The following WDR70 variants were observed in gnomAD, a reference collection of about 807,000 sequenced individuals.
WDR70 encodes the protein WD repeat domain 70, also known as WD repeat-containing protein 70.
A neutral mutation model predicts 88.6 loss-of-function variants in WDR70; 53 were observed. The observed-to-expected ratio is 0.60, with a 90% CI of 0.48 to 0.75. The LOEUF is 0.75. Among genes scored for constraint, WDR70 ranks in the 30% least tolerant of loss-of-function variants. The probability of loss-of-function intolerance (pLI) is 0.00; values close to 1 mark genes in which losing one functional copy is unlikely to be tolerated. For missense variants in WDR70, 610 were observed against 823.2 expected (o/e 0.74, Z 3.17); for synonymous variants, 280 against 270.0 (o/e 1.04, Z -0.36).
chr5:37,427,190 C>A (rs960105027), intron 5 of WDR70, among the ~76,000 whole-genome samples: 5 of 152,012 alleles, frequency 3.3e-5, no homozygotes, highest in African/African-American at 1.2e-4. Flanking sequence ...GAGATCGAGA[C>A]CATCTTGGCT....
chr5:37,635,946 T>G (rs1028710094), intron 10 of WDR70, among the ~76,000 whole-genome samples: 18 of 152,200 alleles, frequency 1.2e-4, no homozygotes, highest in African/African-American at 4.3e-4. Context: ...CACACGGCAC[T>G]TCTTGCTGCT....
chr5:37,613,406 C>T (rs1015900524), intron 10 of WDR70, among the ~76,000 whole-genome samples: 1 of 152,060 alleles, frequency 6.6e-6, no homozygotes, highest in Admixed American at 6.6e-5. Flanking sequence ...AAGCTGGAAG[C>T]CAGATGCATA....
intron 7 of WDR70, among the ~76,000 whole-genome samples, chr5:37,455,636 C>CTTTTTTTTTTTTTTTTTTTTT (rs59254502): frequency 5.7e-5 from 4 of 70,438 alleles, no homozygotes; most frequent in African/African-American, 9.3e-5. Context: ...TTCTCTTTAT[C>CTTTTTTTTTTTTTTTTTTTTT]TTTTTTTTTT....
At chr5:37,383,146 C>A (rs1748486354) in intron 3 of WDR70, among the ~76,000 whole-genome samples, 1 of 152,118 alleles carries the variant, frequency 6.6e-6, no homozygotes, top group East Asian at 1.9e-4. Flanking sequence ...TGTACAGCAG[C>A]AATATCCAGT....
At chr5:37,729,629 A>G (rs1375088700) in intron 17 of WDR70, among the ~76,000 whole-genome samples, 1 of 152,168 alleles carries the variant, frequency 6.6e-6, no homozygotes, top group Admixed American at 6.6e-5. Context: ...TAGTTTGTTT[A>G]CAGTTCTTCT....
intron 9 of WDR70, among the ~76,000 whole-genome samples, chr5:37,522,325 G>T (rs1198212628): frequency 6.6e-6 from 1 of 151,986 alleles, no homozygotes; most frequent in Non-Finnish European, 1.5e-5. Flanking sequence ...CAAAAAATTA[G>T]CTGGGCATGG....
chr5:37,581,292 T>C (rs778066677), intron 9 of WDR70, among the ~76,000 whole-genome samples: 2 of 152,232 alleles, frequency 1.3e-5, no homozygotes, highest in South Asian at 2.1e-4. Flanking sequence ...ATAAACACAG[T>C]TGGGCATTTA....
intron 7 of WDR70, among the ~76,000 whole-genome samples, chr5:37,469,808 A>C (rs1227818870): frequency 9.9e-5 from 15 of 152,196 alleles, no homozygotes; most frequent in Admixed American, 9.8e-4. Context: ...CAAATCTCTA[A>C]GTAAATAAAT....
chr5:37,646,683 C>T (rs963963538), intron 10 of WDR70, among the ~76,000 whole-genome samples: 1 of 152,108 alleles, frequency 6.6e-6, no homozygotes, highest in African/African-American at 2.4e-5. Context: ...AAATGTCATG[C>T]CACTCTCTCC....
At chr5:37,678,809 T>A (rs1467438974) in intron 10 of WDR70, among the ~76,000 whole-genome samples, 1 of 152,280 alleles carries the variant, frequency 6.6e-6, no homozygotes, top group Admixed American at 6.5e-5. Flanking sequence ...TTCTCCTGGA[T>A]AATATCCTGC....
At chr5:37,391,769 G>C (rs1748827357) in intron 3 of WDR70, among the ~76,000 whole-genome samples, 1 of 152,108 alleles carries the variant, frequency 6.6e-6, no homozygotes, top group Non-Finnish European at 1.5e-5. Context: ...CAGTTTCTTT[G>C]GATATATACC....
chr5:37,581,249 G>C (rs901459331), intron 9 of WDR70, among the ~76,000 whole-genome samples: 1 of 138,798 alleles, frequency 7.2e-6, no homozygotes, highest in South Asian at 2.1e-4. Context: ...CTCATATAGG[G>C]AACACTGGTG....
chr5:37,447,084 C>G, intron 7 of WDR70, among the ~76,000 whole-genome samples: 1 of 152,062 alleles, frequency 6.6e-6, no homozygotes, highest in Non-Finnish European at 1.5e-5. Flanking sequence ...GAACTCTTAA[C>G]AAATTTACAA....
At chr5:37,697,843 A>C in intron 11 of WDR70, 89 bp downstream of exon 11, 1 of 1,119,890 alleles carries the variant, frequency 8.9e-7, no homozygotes, top group Non-Finnish European at 1.3e-6. Context: ...GTGCTTAGTA[A>C]AGCTTGCTTT....
At chr5:37,656,812 G>A (rs2112569613) in intron 10 of WDR70, among the ~76,000 whole-genome samples, 1 of 152,320 alleles carries the variant, frequency 6.6e-6, no homozygotes, top group East Asian at 1.9e-4. Flanking sequence ...AAGCTGGAGT[G>A]TCCTAGGTCA....
At chr5:37,547,824 A>G (rs1046504153) in intron 9 of WDR70, among the ~76,000 whole-genome samples, 2 of 152,092 alleles carry the variant, frequency 1.3e-5, no homozygotes, top group African/African-American at 4.8e-5. Flanking sequence ...TCTAGTAACT[A>G]TCCTTCTACT....
intron 7 of WDR70, among the ~76,000 whole-genome samples, chr5:37,467,263 A>G (rs528999740): frequency 6.6e-6 from 1 of 151,748 alleles, no homozygotes; most frequent in East Asian, 1.9e-4. Flanking sequence ...AACAAGAGAT[A>G]TTTCTCACAG....
At chr5:37,746,236 A>C (rs965306999) in intron 17 of WDR70, among the ~76,000 whole-genome samples, 2 of 152,234 alleles carry the variant, frequency 1.3e-5, no homozygotes, top group African/African-American at 4.8e-5. Flanking sequence ...AATGAGAACA[A>C]AGAGACAATG....
In WDR70 at chr5:37,475,661, TTG is replaced by T. The variant is rs1739458465; in HGVS notation, c.687-4171_687-4170del. 4.6e-5 allele frequency among the ~76,000 whole-genome samples: 7 copies of T among 152,086 alleles called. No individual in the cohort carries two copies. The South Asian group carries it at 1.5e-3, about 32-fold the overall frequency. On this transcript the variant is annotated intron_variant, in intron 7 of 17. Coordinates refer to ENST00000265107, the MANE Select transcript of WDR70 (RefSeq NM_018034.4). ...AATTCACACTCTCCATATAAATAAA[TTG>T]TCTTTTTTATGCAGAAGTTTTCTAT...
Sources: gnomAD v4.1 joint callset for allele counts (sites outside exome capture counted in the v4.1 genomes callset) on GRCh38, gnomAD v4.1.1 for gene constraint, MANE v1.5 for transcripts, NCBI Gene and HGNC (gene_info 2026-07-23, HGNC 2026-07-21) for gene names.